ANKRD17: variants seen among roughly 807,000 people sequenced by gnomAD.
ANKRD17 encodes the protein ankyrin repeat domain-containing protein 17.
Under a neutral mutation model 229.7 loss-of-function variants are expected in ANKRD17, and 19 were observed. That is an observed-to-expected ratio of 0.08 (90% CI 0.06 to 0.12). ANKRD17 has a LOEUF of 0.12. Ranked by LOEUF, ANKRD17 falls within the 10% of genes least tolerant of loss-of-function variation. The pLI is 1.00. For missense variants in ANKRD17, 2,176 were observed against 3,176.8 expected, an observed-to-expected ratio of 0.68 and a Z score of 7.57; for synonymous variants, 1,112 against 1,146.1, an observed-to-expected ratio of 0.97 and a Z score of 0.60.
intron 1 of ANKRD17, among the ~76,000 whole-genome samples, chr4:73,220,936 TG>T (rs1560749975): frequency 1.3e-5 from 2 of 152,246 alleles, no homozygotes; most frequent in Non-Finnish European, 2.9e-5. Context: ...TATATTTTTC[TG>T]GAAAGCTCAT....
chr4:73,076,012 T>G lies in ANKRD17; in HGVS notation c.*219A>C. 2.4e-6 allele frequency: 1 copy of G among 415,068 alleles called. No individual in the cohort carries two copies. Among genetic ancestry groups the G allele is most frequent in the East Asian group, 3.8e-5 (1 of 26,600 alleles). 25.7% of individuals were successfully genotyped at this position (415,068 alleles called of 1,614,324 possible). On this transcript the variant is annotated 3_prime_UTR_variant, in exon 34 of 34. Coordinates refer to ENST00000358602, the MANE Select transcript of ANKRD17 (RefSeq NM_032217.5). ...GAGGGAAAGAAAAAAAGAAAAATGA[T>G]AAGAAAAATGCTAACTAAGGTAAAA...
chr4:73,176,967 G>C (rs1734816415), intron 2 of ANKRD17, among the ~76,000 whole-genome samples: 1 of 152,188 alleles, frequency 6.6e-6, no homozygotes, highest in Non-Finnish European at 1.5e-5. Context: ...GCTGAAACAA[G>C]AATGTAGAGC....
intron 1 of ANKRD17, among the ~76,000 whole-genome samples, chr4:73,219,467 C>A (rs1741572177): frequency 6.6e-6 from 1 of 152,112 alleles, no homozygotes; most frequent in Non-Finnish European, 1.5e-5. Flanking sequence ...ACCATTAGTC[C>A]ACAATCTTGG....
chr4:73,171,096 T>A (rs1445967969), intron 2 of ANKRD17, among the ~76,000 whole-genome samples: 1 of 151,166 alleles, frequency 6.6e-6, no homozygotes, highest in Non-Finnish European at 1.5e-5. Flanking sequence ...TGGCTTCAAG[T>A]CTCACCTAGT....
rs1724453407 is a variant in ANKRD17 at position 73,105,044 on chromosome 4, T to G, written c.4402-2497A>C. Reference sequence around the variant, plus strand: ...AAATTTTGAAGTTTTAAAGCCGGCGTTTTGATAATCTGATATATTTTACTA... The same window carrying G: ...AAATTTTGAAGTTTTAAAGCCGGCGGTTTGATAATCTGATATATTTTACTA... On this transcript the variant is annotated intron_variant, in intron 24 of 33. Transcript: ENST00000358602. 2.6e-5 allele frequency among the ~76,000 whole-genome samples: 4 copies of G among 152,202 alleles called. No homozygotes were observed. In the South Asian group the frequency reaches 8.3e-4, roughly 32 times the overall value.
chr4:73,082,219 C>T (rs1721644899), intron 30 of ANKRD17, among the ~76,000 whole-genome samples: 1 of 150,694 alleles, frequency 6.6e-6, no homozygotes, highest in East Asian at 2.0e-4. Context: ...CTCAGCATCT[C>T]TGCATTTTGG....
chr4:73,097,052 T>C (rs1723383288), intron 27 of ANKRD17, 65 bp downstream of exon 27: 1 of 1,512,010 alleles, frequency 6.6e-7, no homozygotes, highest in South Asian at 1.3e-5. Context: ...AATTTAATTA[T>C]AAGGTAGATA....
At chr4:73,248,855 A>C (rs1470802086) in intron 1 of ANKRD17, among the ~76,000 whole-genome samples, 1 of 152,090 alleles carries the variant, frequency 6.6e-6, no homozygotes, top group Non-Finnish European at 1.5e-5. Context: ...AGGTAAAAGA[A>C]TTAACTCCTG....
intron 3 of ANKRD17, among the ~76,000 whole-genome samples, chr4:73,159,183 T>C (rs1308573646): frequency 6.6e-6 from 1 of 152,238 alleles, no homozygotes; most frequent in South Asian, 2.1e-4. Flanking sequence ...TGATTTCCCA[T>C]TTCACAGGAC....
At chr4:73,132,389 G>A (rs1173403688) in intron 16 of ANKRD17, among the ~76,000 whole-genome samples, 2 of 152,112 alleles carry the variant, frequency 1.3e-5, no homozygotes, top group South Asian at 2.1e-4. Context: ...CATTACAGGC[G>A]TGAGCCACCA....
At chr4:73,204,318 G>C (rs566874366) in intron 1 of ANKRD17, among the ~76,000 whole-genome samples, 1 of 133,684 alleles carries the variant, frequency 7.5e-6, no homozygotes, top group African/African-American at 2.8e-5. Context: ...CCGAGATCAC[G>C]TCATTGCAGT....
At chr4:73,116,112 C>CA (rs1388814790) in intron 22 of ANKRD17, among the ~76,000 whole-genome samples, 196 bp from the exon 23 acceptor site, 3 of 146,316 alleles carry the variant, frequency 2.1e-5, no homozygotes, top group Non-Finnish European at 4.5e-5. Context: ...TCCTACCCTC[C>CA]AAAAAAAGTA....
At chr4:73,195,656 A>C (rs939610008) in intron 1 of ANKRD17, among the ~76,000 whole-genome samples, 1 of 151,808 alleles carries the variant, frequency 6.6e-6, no homozygotes, top group Non-Finnish European at 1.5e-5. Flanking sequence ...CTACAGGCGC[A>C]TACCACCACA....
Position 73,126,878 on chromosome 4 carries a change from G to A in ANKRD17, c.3235-1566C>T, listed in dbSNP as rs117190134. On this transcript the variant is annotated intron_variant, in intron 16 of 33. Coordinates refer to ENST00000358602, the MANE Select transcript of ANKRD17 (RefSeq NM_032217.5). ...TTCCTGAGTAGCTGGGTTTACAGGC[G>A]TCTGCCACCACGCCCAGCTAGATAC... 1.6e-3 allele frequency among the ~76,000 whole-genome samples: 242 copies of A among 152,192 alleles called. 2 individuals are homozygous for A. The East Asian group carries it at 0.039, about 25-fold the overall frequency.
At chr4:73,149,181 C>T in intron 7 of ANKRD17, 131 bp from the exon 8 acceptor site, 1 of 701,578 alleles carries the variant, frequency 1.4e-6, no homozygotes, top group South Asian at 1.9e-5. Flanking sequence ...CTACATTTAA[C>T]AGTTGAGTAA....
In ANKRD17 at chr4:73,141,743, T is replaced by C; in HGVS notation, c.2330A>G (p.Lys777Arg). ...CAGTCTTTAGAAGTATAACTGACCT[T>C]TATTCCTGATGGGAAGAGTGGTGGC... Reference protein sequence around the residue: ...NVATTLPIRNKAASKQKSSSH... With the variant: ...NVATTLPIRNRAASKQKSSSH... Residue 777 changes from lysine to arginine, a missense_variant and splice_region_variant, in exon 14 of 34, where the codon AAA (lysine) becomes AGA (arginine). Lys to Arg is a conservative substitution (Grantham distance 26). Around this residue, in one of 18 missense-constraint regions of ANKRD17, gnomAD observed 275 missense variants for 386.9 expected, o/e 0.71. Coordinates refer to ENST00000358602, the MANE Select transcript of ANKRD17 (RefSeq NM_032217.5). 1.2e-6 allele frequency: 2 copies of C among 1,613,078 alleles called. No individual in the cohort carries two copies. Among genetic ancestry groups the C allele is most frequent in the Non-Finnish European group, 1.7e-6 (2 of 1,179,166 alleles).
intron 1 of ANKRD17, among the ~76,000 whole-genome samples, chr4:73,179,781 T>C (rs576812594): frequency 4.0e-5 from 6 of 151,712 alleles, no homozygotes; most frequent in Admixed American, 3.9e-4. Flanking sequence ...AAGTTATCTT[T>C]AAAGGTAGTA....
At chr4:73,245,578 C>G (rs752574490) in intron 1 of ANKRD17, among the ~76,000 whole-genome samples, 2 of 152,194 alleles carry the variant, frequency 1.3e-5, no homozygotes, top group Non-Finnish European at 2.9e-5. Context: ...GCCTGCCGTA[C>G]AGATTTCACA....
chr4:73,115,379 C>G (rs1273976337), intron 23 of ANKRD17, among the ~76,000 whole-genome samples: 1 of 152,194 alleles, frequency 6.6e-6, no homozygotes, highest in Non-Finnish European at 1.5e-5. Flanking sequence ...CAACCTCCAC[C>G]TTCCGGGTTC....
Sources: allele counts gnomAD v4.1 joint callset (sites outside exome capture counted in the v4.1 genomes callset), GRCh38; gene constraint gnomAD v4.1.1; regional missense constraint gnomAD v4.1.1; transcripts MANE v1.5; gene names NCBI Gene and HGNC (gene_info 2026-07-23, HGNC 2026-07-21).